SPOCK1: variants seen among roughly 807,000 people sequenced by gnomAD.
SPOCK1 encodes the protein SPARC (osteonectin), cwcv and kazal like domains proteoglycan 1.
In SPOCK1, 23 loss-of-function variants were observed where a neutral mutation model predicts 55.3. The ratio of observed to expected loss-of-function variants is 0.42; its 90% CI spans 0.30 to 0.59. SPOCK1 has a LOEUF of 0.59. SPOCK1 is among the 20% of genes least tolerant of loss of function. SPOCK1 has a pLI of 0.22. For missense variants in SPOCK1, 499 were observed against 552.5 expected (o/e 0.90, Z 0.97); for synonymous variants, 226 against 221.0 (o/e 1.02, Z -0.20).
chr5:137,389,567 C>T (rs529454450), intron 2 of SPOCK1, among the ~76,000 whole-genome samples: 2 of 152,330 alleles, frequency 1.3e-5, no homozygotes, highest in East Asian at 3.9e-4. Context: ...TCCTGACTAC[C>T]ATCATGTGCT....
At chr5:137,239,727 T>C (rs537081561) in intron 3 of SPOCK1, among the ~76,000 whole-genome samples, 1 of 152,022 alleles carries the variant, frequency 6.6e-6, no homozygotes. Context: ...AGAGAAAAAG[T>C]TTTTCCCTTT....
chr5:137,266,518 G>A (rs989647866), intron 3 of SPOCK1, among the ~76,000 whole-genome samples: 1 of 152,138 alleles, frequency 6.6e-6, no homozygotes, highest in African/African-American at 2.4e-5. Flanking sequence ...TAGTCATCGA[G>A]CTAACTCTGA....
intron 3 of SPOCK1, among the ~76,000 whole-genome samples, chr5:137,234,416 A>G (rs1260601172): frequency 1.3e-5 from 2 of 152,178 alleles, no homozygotes; most frequent in Non-Finnish European, 2.9e-5. Flanking sequence ...TCGCCTTTCC[A>G]GCACTGGACT....
intron 2 of SPOCK1, among the ~76,000 whole-genome samples, chr5:137,366,774 G>C (rs181259645): frequency 2.0e-5 from 3 of 152,308 alleles, no homozygotes; most frequent in Non-Finnish European, 4.4e-5. Context: ...GTCTCTCACC[G>C]GCCTTGTGAA....
intron 2 of SPOCK1, among the ~76,000 whole-genome samples, chr5:137,395,213 A>G (rs796248717): frequency 7.2e-5 from 11 of 152,324 alleles, no homozygotes; most frequent in African/African-American, 1.9e-4. Flanking sequence ...GCAGACCACA[A>G]TGTTTTGTAA....
At chr5:137,327,994 G>C (rs924517705) in intron 2 of SPOCK1, among the ~76,000 whole-genome samples, 1 of 152,190 alleles carries the variant, frequency 6.6e-6, no homozygotes, top group East Asian at 1.9e-4. Flanking sequence ...AACCATCCAT[G>C]GTCCACGCCC....
At chr5:137,235,141 C>T (rs1422892619) in intron 3 of SPOCK1, among the ~76,000 whole-genome samples, 1 of 152,166 alleles carries the variant, frequency 6.6e-6, no homozygotes, top group East Asian at 1.9e-4. Flanking sequence ...GAAGATCTAG[C>T]GTCACTTTGT....
intron 2 of SPOCK1, among the ~76,000 whole-genome samples, chr5:137,475,374 C>G (rs189466013): frequency 9.2e-5 from 14 of 152,080 alleles, no homozygotes; most frequent in Admixed American, 9.2e-4. Flanking sequence ...TCTCACAGAT[C>G]CTGGAATGGA....
At position 137,300,581 on chromosome 5, in the gene SPOCK1, A is replaced by T. The variant is rs145803600; in HGVS notation, c.187-33526T>A. Among the ~76,000 whole-genome samples, 325 of 152,328 alleles carry T rather than the reference A, an allele frequency of 2.1e-3. 2 individuals carry two copies. The highest frequency in any genetic ancestry group is 3.4e-3 in the Non-Finnish European group (230 of 68,024). On this transcript the variant is annotated intron_variant, in intron 2 of 10. Transcript: ENST00000394945. Reference sequence around the variant, plus strand: ...TCTCCCCTGCAATGAGTCACAGCTGAAACTGCTCAGTTCTTCCAGACTTTT... The same window carrying T: ...TCTCCCCTGCAATGAGTCACAGCTGTAACTGCTCAGTTCTTCCAGACTTTT...
At position 136,983,503 on chromosome 5, in the gene SPOCK1, TAGAAA is replaced by T. The variant is rs1750773762; in HGVS notation, c.991+1632_991+1636del. 2.0e-5 allele frequency among the ~76,000 whole-genome samples: 3 copies of T among 151,274 alleles called. No homozygotes were observed. In the Admixed American group the frequency reaches 2.0e-4, roughly 10 times the overall value. On this transcript the variant is annotated intron_variant, in intron 9 of 10. Transcript: ENST00000394945. ...CTATCAGTTTTCAAAGAACAGTAGA[TAGAAA>T]AGAAGGAAAATGTAGATGCGGTCAG...
At chr5:137,038,217 C>T (rs914925554) in intron 6 of SPOCK1, among the ~76,000 whole-genome samples, 1 of 152,204 alleles carries the variant, frequency 6.6e-6, no homozygotes, top group African/African-American at 2.4e-5. Flanking sequence ...GTCTGAGACT[C>T]ATGAAAGACC....
chr5:137,140,475 C>A, intron 4 of SPOCK1, 105 bp downstream of exon 4: 1 of 892,508 alleles, frequency 1.1e-6, no homozygotes, highest in Admixed American at 2.7e-5. Flanking sequence ...GACCCTAACA[C>A]TATGCTCTCC....
intron 3 of SPOCK1, among the ~76,000 whole-genome samples, chr5:137,181,659 G>A (rs1443665673): frequency 6.6e-6 from 1 of 152,202 alleles, no homozygotes; most frequent in Non-Finnish European, 1.5e-5. Flanking sequence ...TGGAAACAGG[G>A]TCCCCACGGG....
At chr5:137,144,428 A>G (rs1160455606) in intron 3 of SPOCK1, among the ~76,000 whole-genome samples, 3 of 152,260 alleles carry the variant, frequency 2.0e-5, no homozygotes, top group Non-Finnish European at 4.4e-5. Context: ...CAAGTCTGCT[A>G]AAAATCAATT....
At chr5:137,196,481 T>C (rs147576302) in intron 3 of SPOCK1, among the ~76,000 whole-genome samples, 2 of 152,310 alleles carry the variant, frequency 1.3e-5, no homozygotes, top group African/African-American at 4.8e-5. Flanking sequence ...TCTCTGCAAG[T>C]GGTCTTCTTT....
chr5:137,343,614 T>A (rs1428718660), intron 2 of SPOCK1, among the ~76,000 whole-genome samples: 2 of 152,214 alleles, frequency 1.3e-5, no homozygotes, highest in African/African-American at 4.8e-5. Context: ...AGCCCCGTTG[T>A]ATGAAATCCC....
intron 6 of SPOCK1, among the ~76,000 whole-genome samples, chr5:137,010,383 G>C (rs1334085355): frequency 6.6e-6 from 1 of 151,978 alleles, no homozygotes; most frequent in East Asian, 1.9e-4. Flanking sequence ...AGCCACCATG[G>C]AGAGGGATAA....
chr5:137,283,249 A>T (rs1046610157), intron 2 of SPOCK1, among the ~76,000 whole-genome samples: 1 of 151,882 alleles, frequency 6.6e-6, no homozygotes, highest in African/African-American at 2.4e-5. Context: ...CTTCCTCCCT[A>T]CCTTTGCTCC....
Position 136,978,417 on chromosome 5 carries a change from T to G in SPOCK1, c.*237A>C. On this transcript the variant is annotated 3_prime_UTR_variant, in exon 11 of 11. Coordinates refer to ENST00000394945, the MANE Select transcript of SPOCK1 (RefSeq NM_004598.4). ...AGGAGGCTCTAATTAAGCCAATGAC[T>G]TCCCTATCCAAAAAATAAACAACAA... 2.5e-6 allele frequency: 1 copy of G among 406,228 alleles called. No individual in the cohort carries two copies. Among genetic ancestry groups the G allele is most frequent in the Non-Finnish European group, 4.3e-6 (1 of 233,798 alleles). 25.2% of individuals were successfully genotyped at this position (406,228 alleles called of 1,614,324 possible).
Sources: allele counts gnomAD v4.1 joint callset (sites outside exome capture counted in the v4.1 genomes callset), GRCh38; gene constraint gnomAD v4.1.1; transcripts MANE v1.5; gene names NCBI Gene and HGNC (gene_info 2026-07-23, HGNC 2026-07-21).